The following SCN10A variants were observed in gnomAD, a reference collection of about 807,000 sequenced individuals.
SCN10A encodes sodium voltage-gated channel alpha subunit 10, also known as sodium channel protein type 10 subunit alpha.
Under a neutral mutation model 170.7 loss-of-function variants are expected in SCN10A, and 162 were observed. That is an observed-to-expected ratio of 0.95 (90% CI 0.84 to 1.08). The LOEUF is 1.08. Among genes scored for constraint, SCN10A ranks in the 50% least tolerant of loss-of-function variants. SCN10A has a pLI of 0.00. For missense variants in SCN10A, 2,527 were observed against 2,436.9 expected (o/e 1.04, Z -0.78); for synonymous variants, 985 against 904.6 (o/e 1.09, Z -1.59).
rs1338826423 is a variant in SCN10A, at chr3:38,709,483, T to A, written c.4276A>T (p.Lys1426Ter). The stretch of plus-strand genomic sequence containing the variant: ...AACTCCTGAGCACCACTTATCTTTT[T>A]TTTCTGTTGATTGAAGTTGTCAATT... The part of the protein sequence containing the change: ...VIIDNFNQQK[K>*]KLGGQDIFMT... The change falls in exon 25 of 28, where the codon AAA (lysine) becomes TAA (stop). Residue 1426 changes from lysine to a stop codon, truncating the protein, a stop_gained. Transcript: ENST00000449082. LOFTEE classifies it high-confidence loss of function. The A allele has an allele frequency of 6.2e-7, 1 of 1,608,456 alleles. No homozygotes were observed. Among genetic ancestry groups the A allele is most frequent in the African/African-American group, 1.3e-5 (1 of 74,516 alleles).
chr3:38,787,345 AT>A (rs1339177827), intron 4 of SCN10A, among the ~76,000 whole-genome samples: 3 of 152,072 alleles, frequency 2.0e-5, no homozygotes, highest in Non-Finnish European at 4.4e-5. Flanking sequence ...TACACAATTG[AT>A]TTATGTATGT....
intron 4 of SCN10A, among the ~76,000 whole-genome samples, chr3:38,772,205 G>A (rs1416840423): frequency 6.6e-6 from 1 of 151,660 alleles, no homozygotes; most frequent in Non-Finnish European, 1.5e-5. Context: ...GTTTCCAGAA[G>A]ATAATCTGGT....
At chr3:38,794,082 G>T in intron 1 of SCN10A, 40 bp from the exon 2 acceptor site, 1 of 1,369,692 alleles carries the variant, frequency 7.3e-7, no homozygotes, top group Non-Finnish European at 1.0e-6. Context: ...GTGACAGCTT[G>T]CCCACTGGCC....
At chr3:38,724,188 A>T (rs946924844) in intron 18 of SCN10A, among the ~76,000 whole-genome samples, 2 of 152,068 alleles carry the variant, frequency 1.3e-5, no homozygotes, top group African/African-American at 2.4e-5. Context: ...ACAGCCCCCA[A>T]ATCCCGTCCC....
intron 1 of SCN10A, among the ~76,000 whole-genome samples, chr3:38,796,392 CGTATGTG>C (rs1027967595): frequency 6.6e-6 from 1 of 152,118 alleles, no homozygotes; most frequent in African/African-American, 2.4e-5. Flanking sequence ...TCACTGGCCT[CGTATGTG>C]TCATTTTGAT....
intron 5 of SCN10A, among the ~76,000 whole-genome samples, chr3:38,768,053 G>A (rs937715243): frequency 2.6e-5 from 4 of 151,862 alleles, no homozygotes; most frequent in African/African-American, 9.7e-5. Context: ...TATAAGAATA[G>A]CTACTCCTGC....
intron 26 of SCN10A, among the ~76,000 whole-genome samples, chr3:38,704,203 G>T (rs892043486): frequency 1.3e-5 from 2 of 152,160 alleles, no homozygotes; most frequent in South Asian, 2.1e-4. Context: ...CTTCATGGTG[G>T]GGATGGGTTG....
chr3:38,703,856 G>C (rs1201120192), intron 26 of SCN10A, among the ~76,000 whole-genome samples: 3 of 152,224 alleles, frequency 2.0e-5, no homozygotes, highest in Non-Finnish European at 4.4e-5. Context: ...AACTGTAAGA[G>C]TAGGAACTTT....
At chr3:38,707,699 G>A (rs997773805) in intron 25 of SCN10A, among the ~76,000 whole-genome samples, 100 of 152,214 alleles carry the variant, frequency 6.6e-4, no homozygotes, top group African/African-American at 2.3e-3. Context: ...TCAAATCTGA[G>A]CCTTGGATCT....
intron 8 of SCN10A, among the ~76,000 whole-genome samples, chr3:38,760,410 C>A (rs527429750): frequency 2.8e-4 from 42 of 152,332 alleles, no homozygotes; most frequent in African/African-American, 9.4e-4. Flanking sequence ...ACCCAATGCC[C>A]ATCTGATCCC....
At chr3:38,710,215 A>G (rs143150064) in intron 24 of SCN10A, among the ~76,000 whole-genome samples, 3 of 152,070 alleles carry the variant, frequency 2.0e-5, no homozygotes, top group African/African-American at 4.8e-5. Flanking sequence ...GCTGGAGTGC[A>G]GTGACGCAAT....
chr3:38,786,313 T>C (rs2064201402), intron 4 of SCN10A, among the ~76,000 whole-genome samples: 3 of 150,784 alleles, frequency 2.0e-5, no homozygotes, highest in African/African-American at 4.9e-5. Flanking sequence ...AAAGGGTGAG[T>C]TCATGTTCTT....
At chr3:38,728,493 C>G (rs2063479818) in intron 16 of SCN10A, 49 bp downstream of exon 16, 1 of 1,504,080 alleles carries the variant, frequency 6.6e-7, no homozygotes, top group East Asian at 2.3e-5. Flanking sequence ...ACCCAGAAGC[C>G]TTCTCCTTTC....
At chr3:38,726,578 G>T in intron 17 of SCN10A, 28 bp downstream of exon 17, 1 of 1,535,520 alleles carries the variant, frequency 6.5e-7, no homozygotes. Flanking sequence ...CCCACTGCCT[G>T]TGGCTGTCCC....
Position 38,752,245 on chromosome 3 carries a change from G to T in SCN10A, c.1729C>A (p.Leu577Ile), listed in dbSNP as rs774336593. 8 of 1,551,174 alleles carry T rather than the reference G, an allele frequency of 5.2e-6. No homozygotes were observed. In the Admixed American group the frequency reaches 1.3e-4, roughly 26 times the overall value. ...DEHQPPPTSE[L>I]APGAVDVSAF... is the part of the protein sequence containing the mutation. ...GAGACATCGACAGCTCCAGGGGCAA[G>T]CTCACTAGTGGGCGGCGGTTGGTGT... The change falls in exon 12 of 28, where the codon CTT becomes ATT. Residue 577 changes from leucine (L) to isoleucine (I), a missense_variant. Physicochemically the swap from Leu to Ile is conservative, Grantham distance 5 (BLOSUM62 2). Coordinates refer to ENST00000449082, the MANE Select transcript of SCN10A (RefSeq NM_006514.4).
Position 38,722,695 on chromosome 3 carries a change from T to C in SCN10A, c.3353-283A>G, listed in dbSNP as rs554953151. On this transcript the variant is annotated intron_variant, in intron 19 of 27. Transcript: ENST00000449082. ...TGGTCCCTGTCCTTCTGCCCACCTATACCTGGAAAACAGACAAGCTACGGC... is the reference window on the plus strand; with the variant it reads ...TGGTCCCTGTCCTTCTGCCCACCTACACCTGGAAAACAGACAAGCTACGGC... 2.6e-5 allele frequency among the ~76,000 whole-genome samples: 4 copies of C among 152,138 alleles called. No homozygotes were observed. The East Asian group carries it at 7.7e-4, about 29-fold the overall frequency.
At chr3:38,808,628 G>A (rs564989591) in intron 1 of SCN10A, among the ~76,000 whole-genome samples, 5 of 152,264 alleles carry the variant, frequency 3.3e-5, no homozygotes, top group South Asian at 2.1e-4. Flanking sequence ...TTAGAGAATC[G>A]TCATGAATGT....
chr3:38,784,362 C>T (rs193092710), intron 4 of SCN10A, among the ~76,000 whole-genome samples: 5 of 152,106 alleles, frequency 3.3e-5, no homozygotes, highest in African/African-American at 9.7e-5. Flanking sequence ...ATCACACAAA[C>T]AGAACCAATG....
intron 21 of SCN10A, among the ~76,000 whole-genome samples, chr3:38,717,284 G>A (rs938383374): frequency 1.3e-5 from 2 of 151,930 alleles, no homozygotes; most frequent in Non-Finnish European, 2.9e-5. Context: ...CTGAATGGTT[G>A]GATACAAAAG....
Sources: gnomAD v4.1 joint callset for allele counts (sites outside exome capture counted in the v4.1 genomes callset) on GRCh38, gnomAD v4.1.1 for gene constraint, MANE v1.5 for transcripts, NCBI Gene and HGNC (gene_info 2026-07-23, HGNC 2026-07-21) for gene names.